LDLRAD4: variants seen among roughly 807,000 people sequenced by gnomAD.
The protein encoded by LDLRAD4 is low-density lipoprotein receptor class A domain-containing protein 4.
Under a neutral mutation model 17.0 loss-of-function variants are expected in LDLRAD4, and 5 were observed. The observed-to-expected ratio is 0.29, with a 90% CI of 0.15 to 0.62. LDLRAD4 has a LOEUF of 0.62. LDLRAD4 is among the 20% of genes least tolerant of loss of function. LDLRAD4 has a pLI of 0.84. For synonymous variants in LDLRAD4, 168 were observed against 171.8 expected (o/e 0.98, Z 0.17); for missense variants, 340 against 424.7 (o/e 0.80, Z 1.75).
chr18:13,548,547 C>T (rs752164977), intron 3 of LDLRAD4, among the ~76,000 whole-genome samples: 2 of 152,248 alleles, frequency 1.3e-5, no homozygotes, highest in Non-Finnish European at 2.9e-5. Flanking sequence ...TGCCTGGGCT[C>T]AGCCACAAGT....
chr18:13,561,188 G>T (rs2094536965), intron 3 of LDLRAD4, among the ~76,000 whole-genome samples: 1 of 152,208 alleles, frequency 6.6e-6, no homozygotes, highest in South Asian at 2.1e-4. Context: ...CGTTTGAAAG[G>T]TTGAAAGGCG....
At chr18:13,288,664 T>C (rs911358606) in intron 1 of LDLRAD4, among the ~76,000 whole-genome samples, 28 of 149,642 alleles carry the variant, frequency 1.9e-4, no homozygotes, top group Admixed American at 1.8e-3. Context: ...GGGGCCACGG[T>C]AGCAGCCCCA....
intron 3 of LDLRAD4, among the ~76,000 whole-genome samples, chr18:13,581,532 G>A (rs1188059173): frequency 6.6e-6 from 1 of 152,200 alleles, no homozygotes; most frequent in African/African-American, 2.4e-5. Flanking sequence ...GTTATAAAAA[G>A]AAACTAGAGA....
chr18:13,287,833 A>G lies in LDLRAD4; in HGVS notation c.-383+9645A>G, dbSNP rs146474287. Among the ~76,000 whole-genome samples the G allele has an allele frequency of 4.0e-3, 615 of 152,386 alleles. 3 individuals are homozygous for G. Among genetic ancestry groups the G allele is most frequent in the African/African-American group, 0.014 (590 of 41,598 alleles). Reference sequence around the variant, plus strand: ...ATTTAGAATAATTAGTGGAAGAATGACTAGAAAATACTGACATTGGTTCAA... The same window carrying G: ...ATTTAGAATAATTAGTGGAAGAATGGCTAGAAAATACTGACATTGGTTCAA... On this transcript the variant is annotated intron_variant, in intron 1 of 5. Transcript: ENST00000359446.
intron 5 of LDLRAD4, 132 bp from the exon 7 acceptor site, chr18:13,644,995 T>C: frequency 2.2e-6 from 1 of 450,222 alleles, no homozygotes; most frequent in African/African-American, 8.8e-5. Flanking sequence ...CCTGTTTTCT[T>C]TTTTTTTTTC....
intron 1 of LDLRAD4, among the ~76,000 whole-genome samples, chr18:13,268,109 G>A (rs1215696612): frequency 6.6e-6 from 1 of 152,178 alleles, no homozygotes; most frequent in African/African-American, 2.4e-5. Context: ...TTAAGTTTAA[G>A]ACTATAGTTT....
intron 3 of LDLRAD4, among the ~76,000 whole-genome samples, chr18:13,545,108 G>T (rs929334699): frequency 1.3e-5 from 2 of 152,126 alleles, no homozygotes; most frequent in African/African-American, 4.8e-5. Flanking sequence ...CTGAGAGAGT[G>T]GGGTGGTGTT....
At chr18:13,592,488 G>A (rs529106878) in intron 3 of LDLRAD4, among the ~76,000 whole-genome samples, 92 of 152,338 alleles carry the variant, frequency 6.0e-4, no homozygotes, top group African/African-American at 2.0e-3. Flanking sequence ...GTAGCATTAC[G>A]ATTAGGAAAG....
rs145792622 is a variant in LDLRAD4, at chr18:13,340,919, C to T, written c.-382-46422C>T. Among the ~76,000 whole-genome samples the T allele has an allele frequency of 4.7e-4, 71 of 152,190 alleles. 2 individuals carry two copies. In the East Asian group the frequency reaches 0.012, roughly 26 times the overall value. On this transcript the variant is annotated intron_variant, in intron 1 of 5. Coordinates refer to ENST00000359446, the Ensembl canonical transcript of LDLRAD4. ...GTTAATTTTTATGTATGGTGTAGGA[C>T]AAGGGTCCAGCTTCATTCTTTTGCA...
At chr18:13,433,019 A>T (rs746384880) in intron 2 of LDLRAD4, among the ~76,000 whole-genome samples, 2 of 152,204 alleles carry the variant, frequency 1.3e-5, no homozygotes, top group Non-Finnish European at 2.9e-5. Context: ...GCCCAGCCTG[A>T]ATTTTCCTTT....
At chr18:13,394,270 T>C (rs62085679) in intron 2 of LDLRAD4, among the ~76,000 whole-genome samples, 252 of 152,338 alleles carry the variant, frequency 1.7e-3, no homozygotes, top group Non-Finnish European at 2.7e-3. Context: ...TCCATTTTCT[T>C]CCTGGTAAAC....
chr18:13,506,023 G>GT (rs1783959007), intron 3 of LDLRAD4, among the ~76,000 whole-genome samples: 1 of 151,964 alleles, frequency 6.6e-6, no homozygotes, highest in African/African-American at 2.4e-5. Flanking sequence ...CTTCCCACTT[G>GT]TTCTCCTGTG....
chr18:13,331,483 A>T (rs1473378211), intron 1 of LDLRAD4, among the ~76,000 whole-genome samples: 1 of 152,236 alleles, frequency 6.6e-6, no homozygotes, highest in Non-Finnish European at 1.5e-5. Flanking sequence ...TCTTTCTGTA[A>T]CTGTTATCTG....
chr18:13,494,927 C>T lies in LDLRAD4; in HGVS notation c.181+56543C>T, dbSNP rs554721479. ...GTTACACTAGTGAGAGGGAACCGAA[C>T]GGGCTCATATTCAGCTTAAGGCACA... On this transcript the variant is annotated intron_variant, in intron 3 of 5. Coordinates refer to ENST00000359446, the Ensembl canonical transcript of LDLRAD4. Among the ~76,000 whole-genome samples the T allele has an allele frequency of 9.2e-5, 14 of 151,626 alleles. No homozygotes were observed. The East Asian group carries it at 1.2e-3, about 13-fold the overall frequency.
intron 3 of LDLRAD4, among the ~76,000 whole-genome samples, chr18:13,600,982 C>T (rs1042706463): frequency 2.6e-5 from 4 of 152,052 alleles, no homozygotes; most frequent in Non-Finnish European, 4.4e-5. Flanking sequence ...AAAACAAGAC[C>T]ATGTTTCTCC....
rs1283841181 is a variant in LDLRAD4, at chr18:13,566,083, T to C, written c.182-55034T>C. On this transcript the variant is annotated intron_variant, in intron 3 of 5. Coordinates refer to ENST00000359446, the Ensembl canonical transcript of LDLRAD4. The stretch of plus-strand genomic sequence containing the variant: ...AATGCTCCCTCCCAGCCCCTGCTCC[T>C]GGGGCTGTGGTGTCTGGTAGAGAGG... 2.0e-5 allele frequency among the ~76,000 whole-genome samples: 3 copies of C among 152,294 alleles called. No homozygotes were observed. The East Asian group carries it at 5.8e-4, about 29-fold the overall frequency.
At chr18:13,597,096 T>TTA (rs2095104972) in intron 3 of LDLRAD4, among the ~76,000 whole-genome samples, 1 of 152,220 alleles carries the variant, frequency 6.6e-6, no homozygotes, top group Middle Eastern at 3.2e-3. Context: ...ATTTCTTAAG[T>TTA]GAGTCTACTA....
At chr18:13,537,526 G>T (rs1353715553) in intron 3 of LDLRAD4, among the ~76,000 whole-genome samples, 4 of 152,152 alleles carry the variant, frequency 2.6e-5, no homozygotes, top group Non-Finnish European at 5.9e-5. Context: ...TGCTGCTGCT[G>T]ATCTGACAGG....
chr18:13,563,402 G>A (rs2094561007), intron 3 of LDLRAD4, among the ~76,000 whole-genome samples: 1 of 152,210 alleles, frequency 6.6e-6, no homozygotes, highest in African/African-American at 2.4e-5. Flanking sequence ...GGGCCACTGA[G>A]AAGGTGGATA....
Sources: allele counts gnomAD v4.1 joint callset (sites outside exome capture counted in the v4.1 genomes callset), GRCh38; gene constraint gnomAD v4.1.1; transcripts MANE v1.5; gene names NCBI Gene and HGNC (gene_info 2026-07-23, HGNC 2026-07-21).